The following TDRD9 variants were observed in gnomAD, a reference collection of about 807,000 sequenced individuals.
TDRD9 encodes ATP-dependent RNA helicase TDRD9.
Under a neutral mutation model 172.6 loss-of-function variants are expected in TDRD9, and 124 were observed. The ratio of observed to expected loss-of-function variants is 0.72; its 90% CI spans 0.62 to 0.83. The LOEUF is 0.83. TDRD9 is among the 40% of genes least tolerant of loss of function. The pLI is 0.00. For synonymous variants in TDRD9, 619 were observed against 617.1 expected (o/e 1.00, Z -0.05); for missense variants, 1,479 against 1,714.1 (o/e 0.86, Z 2.42).
intron 29 of TDRD9, 79 bp from the exon 30 acceptor site, chr14:104,031,938 G>A: frequency 1.1e-6 from 1 of 928,806 alleles, no homozygotes; most frequent in Non-Finnish European, 1.6e-6. Context: ...TAAAGAATGA[G>A]CTGACTTTTG....
At position 103,988,354 on chromosome 14, in the gene TDRD9, A is replaced by G. The variant is rs377509179; in HGVS notation, c.1115+2034A>G. On this transcript the variant is annotated intron_variant, in intron 8 of 35. Transcript: ENST00000409874. ...ATGTCCAGCTAATTTTTGTATTTTT[A>G]GTAGAGACAGGGTTTCACCATGTTG... Among the ~76,000 whole-genome samples the G allele has an allele frequency of 9.2e-5, 14 of 152,112 alleles. 1 individual carries two copies. The South Asian group carries it at 2.9e-3, about 32-fold the overall frequency.
intron 33 of TDRD9, 97 bp downstream of exon 33, chr14:104,040,431 C>G: frequency 1.6e-6 from 2 of 1,266,114 alleles, no homozygotes; most frequent in Non-Finnish European, 2.1e-6. Context: ...GCTCGCGGTG[C>G]AGACACACAC....
chr14:104,004,137 G>C (rs2034354939), intron 13 of TDRD9, 101 bp from the exon 14 acceptor site: 1 of 541,352 alleles, frequency 1.8e-6, no homozygotes, highest in Non-Finnish European at 3.4e-6. Context: ...GATACTTAAG[G>C]CTTTGCTTAA....
rs1383680883 is a variant in TDRD9, at chr14:104,004,822, G to A, written c.1582-452G>A. 2.0e-5 allele frequency among the ~76,000 whole-genome samples: 3 copies of A among 152,128 alleles called. 1 individual carries two copies. Among genetic ancestry groups the A allele is most frequent in the African/African-American group, 4.8e-5 (2 of 41,422 alleles). On this transcript the variant is annotated intron_variant, in intron 14 of 35. Transcript: ENST00000409874. ...TCTAGGGCGTTACCCACATTTTACA[G>A]TTTTAATGAGAGGATGTTTTCTGGT... is the stretch of plus-strand genomic sequence containing the variant.
chr14:103,939,749 T>TTG (rs2031089221), intron 1 of TDRD9: 1 of 78,680 alleles, frequency 1.3e-5, no homozygotes, highest in Non-Finnish European at 2.5e-5. Flanking sequence ...AAGTGTTTTT[T>TTG]TTTTTTTTTT....
chr14:104,042,870 G>C (rs760098193), intron 34 of TDRD9, among the ~76,000 whole-genome samples: 2 of 152,064 alleles, frequency 1.3e-5, no homozygotes, highest in Non-Finnish European at 2.9e-5. Flanking sequence ...CTGGTATCAC[G>C]GTGACACTTC....
At chr14:103,963,239 T>C (rs957011301) in intron 3 of TDRD9, 63 bp downstream of exon 3, 12 of 1,240,538 alleles carry the variant, frequency 9.7e-6, no homozygotes, top group Non-Finnish European at 1.3e-5. Context: ...CCCAATACTT[T>C]TGGTTTCTAA....
At chr14:103,989,399 C>A (rs781222690) in intron 8 of TDRD9, among the ~76,000 whole-genome samples, 1 of 152,200 alleles carries the variant, frequency 6.6e-6, no homozygotes, top group Non-Finnish European at 1.5e-5. Context: ...CTTTTGGATG[C>A]ATGGTAATAC....
At chr14:104,011,531 G>A (rs1348964949) in intron 20 of TDRD9, among the ~76,000 whole-genome samples, 1 of 152,012 alleles carries the variant, frequency 6.6e-6, no homozygotes, top group Admixed American at 6.6e-5. Context: ...CCTTTTTGAG[G>A]GATCAATTTT....
intron 1 of TDRD9, among the ~76,000 whole-genome samples, chr14:103,947,574 G>A (rs577640614): frequency 2.0e-5 from 3 of 152,190 alleles, no homozygotes; most frequent in Middle Eastern, 3.4e-3. Context: ...TGATCCACCC[G>A]CCTTGGCCTC....
intron 1 of TDRD9, among the ~76,000 whole-genome samples, chr14:103,951,190 T>C (rs979549942): frequency 7.9e-5 from 12 of 152,224 alleles, no homozygotes; most frequent in South Asian, 2.1e-4. Context: ...CAATTTTATA[T>C]GCCTCACTGG....
At chr14:103,941,840 A>G in intron 1 of TDRD9, 1 of 634,590 alleles carries the variant, frequency 1.6e-6, no homozygotes, top group East Asian at 2.8e-5. Context: ...AAATAAGATT[A>G]GAACATGGAT....
At chr14:103,949,445 C>T (rs10137889) in intron 1 of TDRD9, among the ~76,000 whole-genome samples, 3,362 of 152,234 alleles carry the variant, frequency 0.022, 143 homozygotes, top group Admixed American at 0.12. Context: ...GGAGTAAATC[C>T]TCCAAACAAA....
rs367638250 is a variant in TDRD9 at position 104,025,728 on chromosome 14, A to C, written c.2883A>C (p.Gln961His). ...CLAPFADFDK[Q>H]RYFRAQVLYV... Reference sequence around the variant, plus strand: ...CACCTTTTGCTGATTTTGATAAACAACGCTACTTTAGAGCTCAAGTCCTTT... The same window carrying C: ...CACCTTTTGCTGATTTTGATAAACACCGCTACTTTAGAGCTCAAGTCCTTT... The change falls in exon 26 of 36, where the codon CAA (glutamine) becomes CAC (histidine). Residue 961 changes from glutamine (Q) to histidine (H), a missense_variant. Coordinates refer to ENST00000409874, the MANE Select transcript of TDRD9 (RefSeq NM_153046.3). 2.9e-5 allele frequency: 46 copies of C among 1,613,928 alleles called. No individual in the cohort carries two copies. In the African/African-American group the frequency reaches 5.1e-4, roughly 18 times the overall value.
At chr14:103,984,934 A>G (rs1005288070) in intron 7 of TDRD9, among the ~76,000 whole-genome samples, 2 of 152,192 alleles carry the variant, frequency 1.3e-5, no homozygotes, top group Non-Finnish European at 2.9e-5. Flanking sequence ...TGGATGTGAG[A>G]CATAGAGTCA....
At chr14:104,019,881 A>G (rs561571387) in intron 23 of TDRD9, among the ~76,000 whole-genome samples, 1 of 152,338 alleles carries the variant, frequency 6.6e-6, no homozygotes, top group East Asian at 1.9e-4. Context: ...GAGGCCCAAT[A>G]TTAGAGCAGT....
chr14:103,946,349 G>A (rs2031557378), intron 1 of TDRD9, among the ~76,000 whole-genome samples: 1 of 152,172 alleles, frequency 6.6e-6, no homozygotes, highest in South Asian at 2.1e-4. Flanking sequence ...GTACATTTCT[G>A]TGGAGTTGTT....
chr14:103,957,207 G>A (rs528378107), intron 2 of TDRD9, among the ~76,000 whole-genome samples: 6 of 152,262 alleles, frequency 3.9e-5, no homozygotes, highest in Admixed American at 3.3e-4. Context: ...TTTGGTCAGT[G>A]TGCTCTGTTC....
At chr14:103,969,698 A>G (rs1188996076) in intron 5 of TDRD9, among the ~76,000 whole-genome samples, 1 of 152,090 alleles carries the variant, frequency 6.6e-6, no homozygotes, top group Non-Finnish European at 1.5e-5. Flanking sequence ...CGGCTGAGAA[A>G]TGTCCCAGAA....
Sources: allele counts gnomAD v4.1 joint callset (sites outside exome capture counted in the v4.1 genomes callset), GRCh38; gene constraint gnomAD v4.1.1; transcripts MANE v1.5; gene names NCBI Gene and HGNC (gene_info 2026-07-23, HGNC 2026-07-21).